The following TTC3 variants were observed in gnomAD, a reference collection of about 807,000 sequenced individuals.
TTC3 encodes E3 ubiquitin-protein ligase TTC3.
In TTC3, 180 loss-of-function variants were observed where a neutral mutation model predicts 249.6. The observed-to-expected ratio is 0.72, with a 90% CI of 0.64 to 0.82. The LOEUF (loss-of-function observed/expected upper bound fraction) is 0.82, where lower values mean the gene tolerates loss of function less well. TTC3 is among the 40% of genes least tolerant of loss of function. TTC3 has a pLI of 0.00. For synonymous variants in TTC3, 717 were observed against 805.0 expected (o/e 0.89, Z 1.85); for missense variants, 2,061 against 2,398.4 (o/e 0.86, Z 2.94).
At chr21:37,174,353 C>T (rs1473499613) in intron 35 of TTC3, among the ~76,000 whole-genome samples, 9 of 152,172 alleles carry the variant, frequency 5.9e-5, no homozygotes, top group Admixed American at 1.3e-4. Context: ...AGACTTGCCA[C>T]GTAAAATGTA....
intron 38 of TTC3, chr21:37,188,162 T>G (rs906036128): frequency 6.2e-6 from 1 of 161,700 alleles, no homozygotes; most frequent in African/African-American, 2.4e-5. Context: ...TAAGGGTTAT[T>G]CTGCTGCAGG....
intron 17 of TTC3, among the ~76,000 whole-genome samples, chr21:37,134,786 G>T (rs2077782188): frequency 2.0e-5 from 3 of 152,030 alleles, no homozygotes; most frequent in African/African-American, 7.2e-5. Context: ...TAGCAATTTT[G>T]TTTTTATTTT....
chr21:37,140,631 T>C, exon 20 of TTC3: 1 of 1,608,894 alleles, frequency 6.2e-7, no homozygotes, highest in Non-Finnish European at 8.5e-7. Flanking sequence ...CTTGATTGCT[T>C]GGCCTACTGT....
At chr21:37,086,394 G>A (rs777338122) in intron 1 of TTC3, 10 of 152,134 alleles carry the variant, frequency 6.6e-5, no homozygotes, top group Non-Finnish European at 1.3e-4. Context: ...TTTGGCCTAT[G>A]TAGCTATTCT....
At chr21:37,121,139 CAAAATATGTAAAT>C (rs924364492) in intron 11 of TTC3, 11 of 152,248 alleles carry the variant, frequency 7.2e-5, no homozygotes, top group African/African-American at 2.4e-4. Flanking sequence ...AGAAGATTTC[CAAAATATGTAAAT>C]GGACCAGCAA....
chr21:37,159,613 A>T, intron 28 of TTC3, 86 bp from the exon 29 acceptor site: 1 of 1,409,614 alleles, frequency 7.1e-7, no homozygotes, highest in Non-Finnish European at 9.8e-7. Flanking sequence ...TGCCAGTAGT[A>T]TGAGGAGTTA....
chr21:37,076,907 G>A (rs1401769412), intron 1 of TTC3, among the ~76,000 whole-genome samples: 1 of 151,806 alleles, frequency 6.6e-6, no homozygotes, highest in African/African-American at 2.4e-5. Flanking sequence ...CACCATGTTG[G>A]CTAGGCACGT....
chr21:37,176,809 G>C (rs2082318412), intron 35 of TTC3, among the ~76,000 whole-genome samples: 1 of 152,184 alleles, frequency 6.6e-6, no homozygotes, highest in African/African-American at 2.4e-5. Context: ...AGTACGAAGT[G>C]GCAGAACAGG....
At chr21:37,147,381 T>C (rs187321391) in intron 21 of TTC3, 100 bp from the exon 22 acceptor site, 14 of 1,173,382 alleles carry the variant, frequency 1.2e-5, no homozygotes, top group African/African-American at 8.0e-5. Context: ...GTCATTCTTA[T>C]GCTGAAAATA....
chr21:37,179,191 G>A (rs2082530983), intron 35 of TTC3, among the ~76,000 whole-genome samples: 1 of 152,150 alleles, frequency 6.6e-6, no homozygotes, highest in Admixed American at 6.5e-5. Context: ...GGAGGCTGAG[G>A]TGGGAGGATC....
At chr21:37,163,895 C>T (rs2081007544) in intron 31 of TTC3, among the ~76,000 whole-genome samples, 156 bp from the exon 32 acceptor site, 1 of 152,152 alleles carries the variant, frequency 6.6e-6, no homozygotes. Context: ...GGTAACTTTT[C>T]TACACTAAGT....
At chr21:37,143,702 C>A (rs1163872736) in intron 20 of TTC3, among the ~76,000 whole-genome samples, 2 of 150,158 alleles carry the variant, frequency 1.3e-5, no homozygotes, top group Admixed American at 6.7e-5. Flanking sequence ...TCAGGGATCT[C>A]GAACTAGAAA....
chr21:37,097,990 A>G (rs2074110810), intron 10 of TTC3: 7 of 710,950 alleles, frequency 9.8e-6, no homozygotes, highest in Non-Finnish European at 1.6e-5. Context: ...CAGTAATCCA[A>G]CCACCTTGGA....
chr21:37,126,254 CT>C, intron 15 of TTC3, 111 bp downstream of exon 15: 2 of 737,066 alleles, frequency 2.7e-6, no homozygotes, highest in East Asian at 2.8e-5. Flanking sequence ...TTCTCCTTTA[CT>C]TTATAATGCT....
chr21:37,091,158 A>C, intron 6 of TTC3, 135 bp from the exon 7 acceptor site: 2 of 845,774 alleles, frequency 2.4e-6, no homozygotes, highest in South Asian at 3.1e-5. Context: ...TACATGCCAG[A>C]GTAGCAAAAA....
intron 32 of TTC3, among the ~76,000 whole-genome samples, chr21:37,164,622 G>T (rs572527510): frequency 1.3e-5 from 2 of 152,314 alleles, no homozygotes; most frequent in Non-Finnish European, 2.9e-5. Flanking sequence ...ACAGGCATGA[G>T]CCACCTCGCC....
At chr21:37,143,484 A>G (rs929639640) in intron 20 of TTC3, among the ~76,000 whole-genome samples, 7 of 151,920 alleles carry the variant, frequency 4.6e-5, no homozygotes, top group East Asian at 3.9e-4. Flanking sequence ...CAACAGACAC[A>G]TGAAAAAATG....
chr21:37,182,305 T>C (rs1340811163), intron 35 of TTC3, among the ~76,000 whole-genome samples: 2 of 152,234 alleles, frequency 1.3e-5, no homozygotes, highest in Non-Finnish European at 2.9e-5. Flanking sequence ...TAACTAGCAT[T>C]GTCTCCAAAG....
At chr21:37,156,209 T>TTTG (rs777568704) in intron 27 of TTC3, among the ~76,000 whole-genome samples, 4 of 27,332 alleles carry the variant, frequency 1.5e-4, no homozygotes, top group African/African-American at 1.4e-3. Context: ...GCTAACTCTT[T>TTTG]TTTTTTTTGT....
Sources: allele counts gnomAD v4.1 joint callset (sites outside exome capture counted in the v4.1 genomes callset), GRCh38; gene constraint gnomAD v4.1.1; transcripts MANE v1.5; gene names NCBI Gene and HGNC (gene_info 2026-07-23, HGNC 2026-07-21).